TAFA2: variants seen among roughly 807,000 people sequenced by gnomAD.
TAFA2 encodes chemokine-like protein TAFA-2.
In TAFA2, 7 loss-of-function variants were observed where a neutral mutation model predicts 18.8. That is an observed-to-expected ratio of 0.37 (90% confidence interval 0.21 to 0.70). TAFA2 has a LOEUF of 0.70. TAFA2 is among the 30% of genes least tolerant of loss of function. The pLI is 0.53. For missense variants in TAFA2, 122 were observed against 158.1 expected, an observed-to-expected ratio of 0.77 and a Z score of 1.23; for synonymous variants, 60 against 54.2, an observed-to-expected ratio of 1.11 and a Z score of -0.47.
chr12:61,779,669 T>C (rs991766539), intron 2 of TAFA2, among the ~76,000 whole-genome samples: 9 of 151,778 alleles, frequency 5.9e-5, no homozygotes, highest in African/African-American at 2.2e-4. Flanking sequence ...AAGACTAAAA[T>C]CAATTGGTAG....
intron 1 of TAFA2, among the ~76,000 whole-genome samples, chr12:62,175,866 T>C (rs1001299966): frequency 9.1e-5 from 2 of 21,950 alleles, no homozygotes; most frequent in Admixed American, 2.4e-4. Context: ...AAAGAACATA[T>C]TATATATATA....
intron 1 of TAFA2, among the ~76,000 whole-genome samples, chr12:61,992,726 C>G (rs1880052683): frequency 6.6e-6 from 1 of 152,146 alleles, no homozygotes; most frequent in African/African-American, 2.4e-5. Flanking sequence ...TTTTTCTGCT[C>G]CAACTATACC....
At chr12:61,969,897 G>A (rs1879188920) in intron 1 of TAFA2, among the ~76,000 whole-genome samples, 2 of 151,572 alleles carry the variant, frequency 1.3e-5, no homozygotes, top group Non-Finnish European at 3.0e-5. Context: ...CAACATTTTT[G>A]GAGAATGTCA....
chr12:61,955,616 AAAAAAAAAAAAAAAAAATATATATATAT>A (rs1878634763), intron 1 of TAFA2, among the ~76,000 whole-genome samples: 4 of 28,616 alleles, frequency 1.4e-4, no homozygotes, highest in African/African-American at 1.9e-4. Flanking sequence ...AAAAAAAAAA[AAAAAAAAAAAAAAAAAATATATATATAT>A]ATATATATAT....
chr12:61,714,921 C>G (rs1347968399), intron 4 of TAFA2, among the ~76,000 whole-genome samples: 2 of 152,210 alleles, frequency 1.3e-5, no homozygotes, highest in Non-Finnish European at 2.9e-5. Flanking sequence ...CTTTGTTCGG[C>G]AGACTGCCCA....
At chr12:61,999,360 G>T (rs922963603) in intron 1 of TAFA2, among the ~76,000 whole-genome samples, 2 of 152,148 alleles carry the variant, frequency 1.3e-5, no homozygotes, top group African/African-American at 4.8e-5. Flanking sequence ...CAACTAAGAA[G>T]ATTTGTCAGG....
chr12:61,972,840 CTG>C (rs1427802785), intron 1 of TAFA2, among the ~76,000 whole-genome samples: 1 of 151,450 alleles, frequency 6.6e-6, no homozygotes, highest in Non-Finnish European at 1.5e-5. Flanking sequence ...TAACATCAAA[CTG>C]GGGTCAAGCG....
At chr12:61,868,557 T>A (rs543498845) in intron 1 of TAFA2, among the ~76,000 whole-genome samples, 1 of 152,248 alleles carries the variant, frequency 6.6e-6, no homozygotes, top group South Asian at 2.1e-4. Context: ...TCTTGTATTT[T>A]CTAGGTTACC....
intron 2 of TAFA2, among the ~76,000 whole-genome samples, chr12:61,783,376 T>C (rs1175535128): frequency 1.3e-5 from 2 of 151,694 alleles, no homozygotes; most frequent in Non-Finnish European, 3.0e-5. Context: ...ATCAACTTTA[T>C]TTCTGGTAAT....
intron 2 of TAFA2, among the ~76,000 whole-genome samples, chr12:61,823,711 C>G (rs1452649968): frequency 6.6e-6 from 1 of 152,172 alleles, no homozygotes; most frequent in African/African-American, 2.4e-5. Context: ...CCTTCCCCCT[C>G]CAAACCCACC....
At chr12:61,806,664 G>A (rs1476171308) in intron 2 of TAFA2, among the ~76,000 whole-genome samples, 2 of 152,208 alleles carry the variant, frequency 1.3e-5, no homozygotes, top group Non-Finnish European at 2.9e-5. Context: ...CTTGTTGAAT[G>A]GCTTTGTCCA....
chr12:61,917,548 C>T (rs1311831597), intron 1 of TAFA2, among the ~76,000 whole-genome samples: 4 of 152,102 alleles, frequency 2.6e-5, no homozygotes, highest in Non-Finnish European at 5.9e-5. Flanking sequence ...CTTCCCCTCC[C>T]GTGCCCACCC....
intron 2 of TAFA2, among the ~76,000 whole-genome samples, chr12:61,778,185 T>C (rs188475354): frequency 5.8e-4 from 88 of 151,940 alleles, no homozygotes; most frequent in African/African-American, 2.1e-3. Flanking sequence ...CTCTTTACTT[T>C]TGGAGATTGT....
intron 1 of TAFA2, among the ~76,000 whole-genome samples, chr12:62,143,047 T>C (rs1269326679): frequency 6.6e-6 from 1 of 152,212 alleles, no homozygotes; most frequent in Non-Finnish European, 1.5e-5. Context: ...CGGATATCAC[T>C]ATGCTATACA....
At chr12:62,176,512 G>T (rs1323228672) in intron 1 of TAFA2, among the ~76,000 whole-genome samples, 1 of 152,110 alleles carries the variant, frequency 6.6e-6, no homozygotes, top group Non-Finnish European at 1.5e-5. Flanking sequence ...TCCAGAAAAA[G>T]ACACACTTTG....
At chr12:62,126,613 A>G (rs190031285) in intron 1 of TAFA2, among the ~76,000 whole-genome samples, 2 of 152,186 alleles carry the variant, frequency 1.3e-5, no homozygotes, top group Admixed American at 1.3e-4. Flanking sequence ...CTATGTGCAT[A>G]GAAGGGGAAA....
At chr12:61,823,372 T>C (rs762256007) in intron 2 of TAFA2, among the ~76,000 whole-genome samples, 6 of 151,952 alleles carry the variant, frequency 3.9e-5, no homozygotes, top group Non-Finnish European at 7.4e-5. Context: ...TTTTAAATGT[T>C]GTAAAAAAAA....
intron 1 of TAFA2, among the ~76,000 whole-genome samples, chr12:62,149,319 A>G (rs911017694): frequency 3.3e-5 from 5 of 152,154 alleles, no homozygotes; most frequent in East Asian, 3.9e-4. Flanking sequence ...GCCCTTAAAA[A>G]GAGTTTTAAA....
chr12:62,242,885 G>A (rs1352181765), intron 1 of TAFA2, among the ~76,000 whole-genome samples: 1 of 152,140 alleles, frequency 6.6e-6, no homozygotes, highest in East Asian at 1.9e-4. Flanking sequence ...CATAATCTAT[G>A]AGTAATAGGA....
Sources: allele counts gnomAD v4.1 joint callset (sites outside exome capture counted in the v4.1 genomes callset), GRCh38; gene constraint gnomAD v4.1.1; transcripts MANE v1.5; gene names NCBI Gene and HGNC (gene_info 2026-07-23, HGNC 2026-07-21).